CADM1: variants seen among roughly 807,000 people sequenced by gnomAD.
CADM1 encodes the protein TSLC-1.
In CADM1, 15 loss-of-function variants were observed where a neutral mutation model predicts 53.1. The ratio of observed to expected loss-of-function variants is 0.28; its 90% CI spans 0.19 to 0.44. CADM1 has a LOEUF of 0.44. Ranked by LOEUF, CADM1 falls within the 20% of genes least tolerant of loss-of-function variation. CADM1 has a pLI of 1.00. For synonymous variants in CADM1, 281 were observed against 243.0 expected, an observed-to-expected ratio of 1.16 and a Z score of -1.45; for missense variants, 434 against 611.3, an observed-to-expected ratio of 0.71 and a Z score of 3.06.
intron 1 of CADM1, among the ~76,000 whole-genome samples, chr11:115,499,770 T>C (rs1949692911): frequency 6.6e-6 from 1 of 152,246 alleles, no homozygotes; most frequent in Non-Finnish European, 1.5e-5. Flanking sequence ...TCTAATATCT[T>C]TCCCCTCTCA....
chr11:115,297,986 T>C (rs1183664917), intron 1 of CADM1, among the ~76,000 whole-genome samples: 1 of 152,196 alleles, frequency 6.6e-6, no homozygotes, highest in Non-Finnish European at 1.5e-5. Context: ...CATTTCTGCA[T>C]AGTTTAAAAT....
chr11:115,369,430 C>T (rs1449071098), intron 1 of CADM1, among the ~76,000 whole-genome samples: 1 of 152,170 alleles, frequency 6.6e-6, no homozygotes, highest in Non-Finnish European at 1.5e-5. Flanking sequence ...ATCCTATTTG[C>T]CTTAAGAAGC....
intron 1 of CADM1, 39 bp downstream of exon 1, chr11:115,504,232 C>T: frequency 6.4e-7 from 1 of 1,561,396 alleles, no homozygotes; most frequent in Non-Finnish European, 8.7e-7. Context: ...GGGGTGCCTT[C>T]GGAGATTTAG....
intron 1 of CADM1, among the ~76,000 whole-genome samples, chr11:115,386,385 T>C (rs1457082477): frequency 6.6e-6 from 1 of 152,212 alleles, no homozygotes; most frequent in African/African-American, 2.4e-5. Context: ...CAAAGACACA[T>C]GTCTTAGTCT....
intron 1 of CADM1, among the ~76,000 whole-genome samples, chr11:115,468,390 C>T (rs1216451477): frequency 2.0e-5 from 3 of 152,120 alleles, no homozygotes; most frequent in African/African-American, 7.2e-5. Context: ...TGAAGACTCT[C>T]CTAGAACAGG....
intron 1 of CADM1, among the ~76,000 whole-genome samples, chr11:115,251,293 C>T (rs1942597110): frequency 6.6e-6 from 1 of 152,220 alleles, no homozygotes; most frequent in African/African-American, 2.4e-5. Flanking sequence ...TACACCTCCT[C>T]ATTCATTTTT....
At chr11:115,287,790 A>G (rs1387499068) in intron 1 of CADM1, among the ~76,000 whole-genome samples, 2 of 152,194 alleles carry the variant, frequency 1.3e-5, no homozygotes, top group Non-Finnish European at 2.9e-5. Context: ...GATAGAAATG[A>G]TTCGCTCAGT....
chr11:115,387,933 C>CA (rs1247693973), intron 1 of CADM1, among the ~76,000 whole-genome samples: 1 of 151,432 alleles, frequency 6.6e-6, no homozygotes, highest in South Asian at 2.1e-4. Flanking sequence ...CAAAACTACC[C>CA]AAAAAACAAA....
chr11:115,495,960 TAA>T (rs35168224), intron 1 of CADM1, among the ~76,000 whole-genome samples: 146 of 152,300 alleles, frequency 9.6e-4, no homozygotes, highest in African/African-American at 3.5e-3. Context: ...CTGTGACCCT[TAA>T]AAAGTCTTCC....
intron 1 of CADM1, among the ~76,000 whole-genome samples, chr11:115,305,116 C>G (rs1350579211): frequency 8.5e-6 from 1 of 117,368 alleles, no homozygotes; most frequent in Non-Finnish European, 1.6e-5. Flanking sequence ...AGTGGGGAAA[C>G]CAACTTCTGA....
intron 1 of CADM1, among the ~76,000 whole-genome samples, chr11:115,414,930 A>T (rs1312483525): frequency 6.6e-6 from 1 of 152,242 alleles, no homozygotes; most frequent in Non-Finnish European, 1.5e-5. Context: ...TGATTTAAGT[A>T]GATTCACTTA....
intron 1 of CADM1, among the ~76,000 whole-genome samples, chr11:115,486,210 C>G (rs1949370097): frequency 6.6e-6 from 1 of 152,208 alleles, no homozygotes; most frequent in African/African-American, 2.4e-5. Flanking sequence ...AAGATCCTCT[C>G]AATTTCTAAT....
chr11:115,375,085 T>C (rs1200867761), intron 1 of CADM1, among the ~76,000 whole-genome samples: 2 of 152,146 alleles, frequency 1.3e-5, no homozygotes, highest in East Asian at 1.9e-4. Flanking sequence ...GATGGAAAGA[T>C]AGTACAATGT....
intron 10 of CADM1, among the ~76,000 whole-genome samples, chr11:115,186,361 A>C (rs577257931): frequency 2.2e-4 from 34 of 152,206 alleles, no homozygotes; most frequent in Admixed American, 1.1e-3. Context: ...GGGAAAAAAA[A>C]TCTTCCCAGG....
chr11:115,295,203 T>C (rs1290833070), intron 1 of CADM1, among the ~76,000 whole-genome samples: 2 of 152,044 alleles, frequency 1.3e-5, no homozygotes, highest in Admixed American at 6.6e-5. Context: ...ATGTTGACAA[T>C]AGAGTCCTGG....
chr11:115,336,454 C>T (rs1447857662), intron 1 of CADM1, among the ~76,000 whole-genome samples: 2 of 152,138 alleles, frequency 1.3e-5, no homozygotes, highest in East Asian at 1.9e-4. Context: ...AAAATAAAAC[C>T]GACTGCCACA....
intron 1 of CADM1, among the ~76,000 whole-genome samples, chr11:115,262,451 T>C (rs1173502980): frequency 6.6e-6 from 1 of 152,192 alleles, no homozygotes; most frequent in Admixed American, 6.5e-5. Context: ...TCAGGGAGCC[T>C]TTTGTGGTCT....
chr11:115,291,741 A>G (rs931626603), intron 1 of CADM1, among the ~76,000 whole-genome samples: 1 of 152,222 alleles, frequency 6.6e-6, no homozygotes, highest in South Asian at 2.1e-4. Context: ...TGGGCCTGCA[A>G]GAGAATATTA....
intron 1 of CADM1, among the ~76,000 whole-genome samples, chr11:115,369,910 C>A (rs1946269026): frequency 6.6e-6 from 1 of 152,166 alleles, no homozygotes; most frequent in Non-Finnish European, 1.5e-5. Flanking sequence ...CTTTTTCCTA[C>A]CATTTCCATT....
Sources: allele counts gnomAD v4.1 joint callset (sites outside exome capture counted in the v4.1 genomes callset), GRCh38; gene constraint gnomAD v4.1.1; transcripts MANE v1.5; gene names NCBI Gene and HGNC (gene_info 2026-07-23, HGNC 2026-07-21).